Variants in PURG observed in about 807,000 individuals in gnomAD.
The protein encoded by PURG is purine-rich element-binding protein gamma.
PURG carries 3 observed loss-of-function variants against 24.3 expected under a neutral mutation model. The observed-to-expected ratio is 0.12, with a 90% CI of 0.06 to 0.32. The LOEUF (loss-of-function observed/expected upper bound fraction) is 0.32, where lower values mean the gene tolerates loss of function less well. Ranked by LOEUF, PURG falls within the 10% of genes least tolerant of loss-of-function variation. The pLI, the probability that PURG is intolerant of heterozygous loss-of-function variation, is 1.00. For synonymous variants in PURG, 180 were observed against 173.1 expected (o/e 1.04, Z -0.31); for missense variants, 371 against 439.1 (o/e 0.84, Z 1.39).
downstream of PURG, among the ~76,000 whole-genome samples, chr8:31,026,109 C>T (rs1811083744): frequency 1.3e-5 from 2 of 151,876 alleles, no homozygotes; most frequent in African/African-American, 4.8e-5. Flanking sequence ...TACCTTTTTA[C>T]TATAGTTCTA....
At chr8:31,006,671 A>C (rs1484393925) in intron 1 of PURG, among the ~76,000 whole-genome samples, 2 of 152,254 alleles carry the variant, frequency 1.3e-5, no homozygotes, top group Admixed American at 6.5e-5. Flanking sequence ...CATCTAAAAC[A>C]TGTAATTTTA....
chr8:31,001,870 C>T (rs994389863), intron 1 of PURG, among the ~76,000 whole-genome samples: 8 of 152,242 alleles, frequency 5.3e-5, no homozygotes, highest in African/African-American at 1.2e-4. Flanking sequence ...GTATTACTCA[C>T]GCCTGAATCG....
chr8:31,032,180 G>C lies in PURG; in HGVS notation c.603C>G (p.Thr201=). Residue 201 remains threonine, a synonymous_variant, in exon 2 of 2, where the codon ACC becomes ACG. Transcript: ENST00000523392. This position sits in a 1 kb window ranked among gnomAD's most constrained non-coding sequence, Gnocchi z 5.9. Reference sequence around the variant, plus strand: ...CTATCATGCCAGTCCCCCGCATCATGGTTTGTCTAATCCGTAGGAAGCGAC... The same window carrying C: ...CTATCATGCCAGTCCCCCGCATCATCGTTTGTCTAATCCGTAGGAAGCGAC... ...QRGRFLRIRQ[T]MMRGTGMIGY... 3 of 1,614,138 alleles carry C rather than the reference G, an allele frequency of 1.9e-6. No individual in the cohort carries two copies. The highest frequency in any genetic ancestry group is 1.7e-6 in the Non-Finnish European group (2 of 1,180,020).
intron 1 of PURG, among the ~76,000 whole-genome samples, chr8:31,000,950 C>A (rs539837977): frequency 1.3e-5 from 2 of 152,328 alleles, no homozygotes; most frequent in East Asian, 1.9e-4. Flanking sequence ...ATTTAACAAA[C>A]CTTCCTACAG....
In PURG at chr8:31,032,372, C is replaced by T. The variant is rs1293602716; in HGVS notation, c.411G>A (p.Glu137=). The T allele has an allele frequency of 6.2e-7, 1 of 1,613,538 alleles. No homozygotes were observed. Residue 137 remains glutamate (E), a synonymous_variant, in exon 2 of 2, where the codon GAG becomes GAA. Transcript: ENST00000523392. This position sits in a 1 kb window ranked among gnomAD's most constrained non-coding sequence, Gnocchi z 5.9. ...AGCCTTGCTCTTTGCTGTGGCCATG[C>T]TCTTGCCGGTGGCCTTTCAGGCCCA... ...AHLGLKGHRQ[E]HGHSKEQGSR...
intron 1 of PURG, among the ~76,000 whole-genome samples, chr8:31,023,312 T>C (rs1811031649): frequency 6.6e-6 from 1 of 152,196 alleles, no homozygotes; most frequent in Admixed American, 6.5e-5. Flanking sequence ...ACAGAAACTT[T>C]TGAAATTAGC....
At chr8:31,029,571 A>C (rs1053179331), downstream of PURG, among the ~76,000 whole-genome samples, 1 of 151,822 alleles carries the variant, frequency 6.6e-6, no homozygotes, top group Non-Finnish European at 1.5e-5. Context: ...CAAAAGGTAA[A>C]AGGAAATCAT....
intron 1 of PURG, among the ~76,000 whole-genome samples, chr8:31,012,045 A>G (rs1206109042): frequency 6.6e-6 from 1 of 152,212 alleles, no homozygotes; most frequent in African/African-American, 2.4e-5. Context: ...TTCTGAAGCA[A>G]CAAGATTTCA....
In PURG at chr8:31,032,147, A is replaced by T. The variant is rs1811225500; in HGVS notation, c.636T>A (p.Phe212Leu). The part of the protein sequence containing the change: ...MMRGTGMIGY[F>L]GHSLGQEQTI... ...TCTGTTCTTGGCCCAAACTGTGGCC[A>T]AAATAACCTATCATGCCAGTCCCCC... Residue 212 changes from phenylalanine to leucine, a missense_variant, in exon 2 of 2, where the codon TTT (phenylalanine) becomes TTA (leucine). Physicochemically the swap from Phe to Leu is conservative, Grantham distance 22. Around this residue, in one of 5 missense-constraint regions of PURG, gnomAD observed 41 missense variants for 29.8 expected, o/e 1.38. Coordinates refer to ENST00000523392, the MANE Select transcript of PURG (RefSeq NM_001323311.2). The surrounding 1 kb of genome is among the most constrained non-coding windows in gnomAD (Gnocchi z 5.9). The T allele has an allele frequency of 1.2e-6, 2 of 1,614,224 alleles. No homozygotes were observed. The highest frequency in any genetic ancestry group is 3.3e-5 in the Admixed American group (2 of 60,032).
At chr8:31,005,776 T>TTC (rs971692829) in intron 1 of PURG, among the ~76,000 whole-genome samples, 30 of 135,640 alleles carry the variant, frequency 2.2e-4, no homozygotes, top group African/African-American at 7.2e-4. Context: ...TTTTTCTTTT[T>TTC]TTTTTTTTTC....
At position 31,006,202 on chromosome 8, in the gene PURG, ATAAG is replaced by A. The variant is rs751441285; in HGVS notation, c.865-9509_865-9506del. 1.4e-4 allele frequency among the ~76,000 whole-genome samples: 21 copies of A among 152,340 alleles called. No homozygotes were observed. In the South Asian group the frequency reaches 3.1e-3, roughly 23 times the overall value. On this transcript the variant is annotated intron_variant, in intron 1 of 1. Transcript: ENST00000339382. ...ATTACACTACCTGACAATTCTAAAA[ATAAG>A]TAAGTGAGAAAATTCTATTGGTTTT...
At chr8:31,003,069 T>C (rs1318665485) in intron 1 of PURG, among the ~76,000 whole-genome samples, 1 of 152,188 alleles carries the variant, frequency 6.6e-6, no homozygotes, top group African/African-American at 2.4e-5. Context: ...CAAGATTCTC[T>C]TGGTAATTCA....
chr8:31,023,361 T>A (rs1811032278), intron 1 of PURG, among the ~76,000 whole-genome samples: 1 of 152,130 alleles, frequency 6.6e-6, no homozygotes, highest in Non-Finnish European at 1.5e-5. Context: ...TACACTTCAG[T>A]TACCCTTAAA....
At position 31,014,922 on chromosome 8, in the gene PURG, C is replaced by T. The variant is rs188895606; in HGVS notation, c.864+16997G>A. 9.3e-4 allele frequency among the ~76,000 whole-genome samples: 142 copies of T among 152,218 alleles called. 1 individual carries two copies. The highest frequency in any genetic ancestry group is 8.0e-3 in the Admixed American group (122 of 15,280). On this transcript the variant is annotated intron_variant, in intron 1 of 1. Coordinates refer to the PURG transcript ENST00000339382. Reference sequence around the variant, plus strand: ...CCCTGTAAATCAGTGGAAAAGCTTCCAGGATAAAATACCTTCACTCAAAGA... The same window carrying T: ...CCCTGTAAATCAGTGGAAAAGCTTCTAGGATAAAATACCTTCACTCAAAGA...
downstream of PURG, among the ~76,000 whole-genome samples, chr8:31,026,659 T>TACAC (rs147737121): frequency 1.3e-3 from 189 of 143,724 alleles, no homozygotes; most frequent in East Asian, 7.5e-3. Flanking sequence ...TATATATATA[T>TACAC]ATACATACAC....
chr8:31,000,581 C>A (rs1352399763), intron 1 of PURG, among the ~76,000 whole-genome samples: 1 of 152,090 alleles, frequency 6.6e-6, no homozygotes, highest in Non-Finnish European at 1.5e-5. Context: ...ACACCACAGG[C>A]TAAACTCTGC....
chr8:31,004,800 A>G (rs936736086), intron 1 of PURG, among the ~76,000 whole-genome samples: 1 of 152,226 alleles, frequency 6.6e-6, no homozygotes, highest in East Asian at 1.9e-4. Flanking sequence ...TCCTGATGCG[A>G]ACTCAGGTTC....
chr8:31,013,468 CGG>C (rs1810800426), intron 1 of PURG, among the ~76,000 whole-genome samples: 1 of 152,124 alleles, frequency 6.6e-6, no homozygotes, highest in Non-Finnish European at 1.5e-5. Flanking sequence ...CCGGGCGCGG[CGG>C]CTCATGCCTG....
intron 1 of PURG, among the ~76,000 whole-genome samples, chr8:31,014,430 G>C (rs1197179403): frequency 1.3e-5 from 2 of 152,116 alleles, no homozygotes; most frequent in Non-Finnish European, 2.9e-5. Flanking sequence ...CAGAGGAAGA[G>C]AAATGTTTCA....
Sources: allele counts gnomAD v4.1 joint callset (sites outside exome capture counted in the v4.1 genomes callset), GRCh38; gene constraint gnomAD v4.1.1; regional missense constraint gnomAD v4.1.1; non-coding constraint Gnocchi (gnomAD v3.1); transcripts MANE v1.5; gene names NCBI Gene and HGNC (gene_info 2026-07-23, HGNC 2026-07-21).